The following SUGCT variants were observed in gnomAD, a reference collection of about 807,000 sequenced individuals.
The protein encoded by SUGCT is succinyl-CoA:glutarate CoA-transferase.
Under a neutral mutation model 55.0 loss-of-function variants are expected in SUGCT, and 41 were observed. The observed-to-expected ratio is 0.74, with a 90% CI of 0.58 to 0.97. SUGCT has a LOEUF of 0.97. SUGCT is among the 50% of genes least tolerant of loss of function. SUGCT has a pLI of 0.00. For missense variants in SUGCT, 568 were observed against 547.8 expected (o/e 1.04, Z -0.37); for synonymous variants, 187 against 200.4 (o/e 0.93, Z 0.56).
chr7:40,272,960 T>A (rs571759258), intron 7 of SUGCT, among the ~76,000 whole-genome samples: 1 of 152,184 alleles, frequency 6.6e-6, no homozygotes, highest in Non-Finnish European at 1.5e-5. Flanking sequence ...GTGCCCAGCC[T>A]TTAGTGTAAC....
rs775477221 is a variant in SUGCT at position 40,358,329 on chromosome 7, G to A, written c.816+41474G>A. ...ATAGCTGGAGAGCATATTATTTTGC[G>A]TAACTAAGATGTGAGAGGAGTATAG... On this transcript the variant is annotated intron_variant, in intron 9 of 13. Coordinates refer to ENST00000335693, the MANE Select transcript of SUGCT (RefSeq NM_001193313.2). Among the ~76,000 whole-genome samples the A allele has an allele frequency of 2.2e-4, 33 of 152,144 alleles. 1 individual carries two copies. The highest frequency in any genetic ancestry group is 7.7e-4 in the East Asian group (4 of 5,196).
intron 12 of SUGCT, among the ~76,000 whole-genome samples, chr7:40,599,036 C>T (rs760853273): frequency 6.6e-6 from 1 of 152,204 alleles, no homozygotes; most frequent in Non-Finnish European, 1.5e-5. Context: ...ATGGGGCCTA[C>T]CTTCCTCTCC....
intron 12 of SUGCT, among the ~76,000 whole-genome samples, chr7:40,676,857 T>TA (rs1439988341): frequency 6.6e-6 from 1 of 151,546 alleles, no homozygotes; most frequent in Non-Finnish European, 1.5e-5. Flanking sequence ...AAAATTGTTA[T>TA]AAAAACCAAA....
At chr7:40,898,480 C>CGGGGGGGGGGGGGGGG in the SUGCT span, among the ~76,000 whole-genome samples, 11 of 5,718 alleles carry the variant, frequency 1.9e-3, 4 homozygotes, top group Admixed American at 1.5e-3. Context: ...TCCGGGAGGT[C>CGGGGGGGGGGGGGGGG]GGGGGGGGGG....
chr7:40,542,447 G>C (rs1345428648), intron 12 of SUGCT, among the ~76,000 whole-genome samples: 1 of 152,110 alleles, frequency 6.6e-6, no homozygotes, highest in Non-Finnish European at 1.5e-5. Context: ...AGATGCAGAG[G>C]GTCTTGGCGA....
chr7:40,370,175 A>G (rs1784221353), intron 9 of SUGCT, among the ~76,000 whole-genome samples: 1 of 152,188 alleles, frequency 6.6e-6, no homozygotes, highest in African/African-American at 2.4e-5. Flanking sequence ...ATAACTTTCT[A>G]CTAAAGTTGT....
chr7:40,386,172 C>T (rs1399953492), intron 9 of SUGCT, among the ~76,000 whole-genome samples: 9 of 152,158 alleles, frequency 5.9e-5, no homozygotes, highest in Admixed American at 5.9e-4. Flanking sequence ...GGTGCTTCCC[C>T]AGGAGTGCAC....
intron 7 of SUGCT, among the ~76,000 whole-genome samples, chr7:40,260,826 A>AT (rs889241867): frequency 6.6e-6 from 1 of 151,110 alleles, no homozygotes; most frequent in East Asian, 1.9e-4. Flanking sequence ...TAATTTTTGT[A>AT]TTTTCAGTTG....
intron 11 of SUGCT, among the ~76,000 whole-genome samples, chr7:40,473,591 A>G (rs1790510469): frequency 6.6e-6 from 1 of 152,078 alleles, no homozygotes; most frequent in Non-Finnish European, 1.5e-5. Context: ...AAGTCCTCTG[A>G]AAGTTAGAAG....
At chr7:40,774,777 T>TAAAAAAAAAAAA (rs5883739) in intron 13 of SUGCT, among the ~76,000 whole-genome samples, 1 of 132,628 alleles carries the variant, frequency 7.5e-6, no homozygotes, top group Non-Finnish European at 1.6e-5. Flanking sequence ...TTTTGGCAAA[T>TAAAAAAAAAAAA]AAAAAAAAAA....
At chr7:40,141,624 C>G (rs907400584) in intron 1 of SUGCT, among the ~76,000 whole-genome samples, 2 of 126,752 alleles carry the variant, frequency 1.6e-5, no homozygotes, top group Non-Finnish European at 3.2e-5. Flanking sequence ...ACAGACAGTG[C>G]AAGACTCCAT....
At chr7:40,452,950 C>T (rs1789270078) in intron 10 of SUGCT, among the ~76,000 whole-genome samples, 1 of 152,096 alleles carries the variant, frequency 6.6e-6, no homozygotes, top group Admixed American at 6.5e-5. Context: ...ATTTGAAGTA[C>T]CTCTAACTGG....
At chr7:40,466,090 G>A (rs930649332) in intron 11 of SUGCT, among the ~76,000 whole-genome samples, 2 of 151,946 alleles carry the variant, frequency 1.3e-5, no homozygotes, top group African/African-American at 4.8e-5. Context: ...TGGTGGGTGG[G>A]GGAGTGGGGT....
At chr7:40,246,439 T>C (rs1176627862) in intron 7 of SUGCT, among the ~76,000 whole-genome samples, 1 of 151,758 alleles carries the variant, frequency 6.6e-6, no homozygotes, top group Non-Finnish European at 1.5e-5. Flanking sequence ...TGGTAGAGAC[T>C]GGGTTTCACC....
intron 13 of SUGCT, among the ~76,000 whole-genome samples, chr7:40,839,754 T>C (rs1167447923): frequency 1.4e-5 from 1 of 70,804 alleles, no homozygotes; most frequent in African/African-American, 7.0e-5. Flanking sequence ...TTGTAATTTA[T>C]GTTTTCTCTA....
At chr7:40,356,988 A>G (rs1444685559) in intron 9 of SUGCT, among the ~76,000 whole-genome samples, 2 of 152,232 alleles carry the variant, frequency 1.3e-5, no homozygotes, top group African/African-American at 2.4e-5. Context: ...TAATATTTCT[A>G]AACAAATTTA....
chr7:40,859,515 C>T (rs1794377378), intron 13 of SUGCT, among the ~76,000 whole-genome samples: 1 of 152,184 alleles, frequency 6.6e-6, no homozygotes, highest in Admixed American at 6.5e-5. Flanking sequence ...CCCGGCACCC[C>T]TTTTCCCCTT....
At chr7:40,534,049 G>A (rs768304037) in intron 12 of SUGCT, among the ~76,000 whole-genome samples, 1 of 152,068 alleles carries the variant, frequency 6.6e-6, no homozygotes, top group Non-Finnish European at 1.5e-5. Context: ...GTGTGTTAAT[G>A]GCATAAGCTT....
intron 9 of SUGCT, among the ~76,000 whole-genome samples, chr7:40,326,004 T>C (rs902282138): frequency 1.2e-4 from 17 of 147,766 alleles, no homozygotes; most frequent in African/African-American, 4.2e-4. Context: ...GTACCAAACC[T>C]AATAGCTGGC....
Sources: allele counts gnomAD v4.1 joint callset (sites outside exome capture counted in the v4.1 genomes callset), GRCh38; gene constraint gnomAD v4.1.1; transcripts MANE v1.5; gene names NCBI Gene and HGNC (gene_info 2026-07-23, HGNC 2026-07-21).